CCDC60: variants seen among roughly 807,000 people sequenced by gnomAD.
CCDC60 encodes the protein coiled-coil domain containing 60, also known as coiled-coil domain-containing protein 60.
In CCDC60, 54 loss-of-function variants were observed where a neutral mutation model predicts 63.5. The ratio of observed to expected loss-of-function variants is 0.85; its 90% CI spans 0.68 to 1.07. CCDC60 has a LOEUF of 1.07. CCDC60 is among the 50% of genes least tolerant of loss of function. CCDC60 has a pLI of 0.00. For synonymous variants in CCDC60, 206 were observed against 238.8 expected, an observed-to-expected ratio of 0.86 and a Z score of 1.27; for missense variants, 651 against 684.3, an observed-to-expected ratio of 0.95 and a Z score of 0.54.
At chr12:119,540,347 G>A (rs1291587603) in intron 13 of CCDC60, among the ~76,000 whole-genome samples, 1 of 152,194 alleles carries the variant, frequency 6.6e-6, no homozygotes. Flanking sequence ...GCAGATAGCT[G>A]GGACTTCCTG....
At chr12:119,523,943 G>T in intron 11 of CCDC60, 125 bp downstream of exon 11, 1 of 979,150 alleles carries the variant, frequency 1.0e-6, no homozygotes, top group South Asian at 1.7e-5. Context: ...TCCTCAGGGA[G>T]CTCACAGTCT....
At chr12:119,524,721 C>CTTTTTTTTTTTTTTTTTTTCTTTTTTTT (rs55694840) in intron 11 of CCDC60, among the ~76,000 whole-genome samples, 1 of 99,050 alleles carries the variant, frequency 1.0e-5, no homozygotes, top group Non-Finnish European at 1.9e-5. Flanking sequence ...CTTTTCTTTT[C>CTTTTTTTTTTTTTTTTTTTCTTTTTTTT]TTTTTTTTTT....
intron 3 of CCDC60, 94 bp from the exon 4 acceptor site, chr12:119,479,000 A>G (rs2136344196): frequency 1.2e-6 from 1 of 826,884 alleles, no homozygotes; most frequent in African/African-American, 1.7e-5. Flanking sequence ...GTAAGTGTCC[A>G]GTCATATCTG....
At chr12:119,368,432 G>A (rs1016686874) in intron 1 of CCDC60, among the ~76,000 whole-genome samples, 5 of 152,212 alleles carry the variant, frequency 3.3e-5, no homozygotes, top group East Asian at 3.9e-4. Flanking sequence ...CTAGGACACC[G>A]GACCCGCCAT....
At chr12:119,496,504 G>A (rs1951718593) in intron 5 of CCDC60, among the ~76,000 whole-genome samples, 1 of 152,160 alleles carries the variant, frequency 6.6e-6, no homozygotes, top group Admixed American at 6.5e-5. Context: ...ATCTGCCCTA[G>A]TACCCTGTTG....
intron 3 of CCDC60, among the ~76,000 whole-genome samples, chr12:119,473,296 G>C (rs895479348): frequency 6.6e-6 from 1 of 152,224 alleles, no homozygotes; most frequent in Non-Finnish European, 1.5e-5. Flanking sequence ...GGGAGGAAAT[G>C]CAGGGTAGAA....
chr12:119,481,097 T>C (rs1019090721), intron 4 of CCDC60, among the ~76,000 whole-genome samples: 2 of 152,084 alleles, frequency 1.3e-5, no homozygotes, highest in African/African-American at 2.4e-5. Context: ...ATCATCATCA[T>C]CACATTGTGT....
chr12:119,487,491 G>A (rs931931476), intron 4 of CCDC60, among the ~76,000 whole-genome samples: 6 of 151,944 alleles, frequency 3.9e-5, no homozygotes, highest in African/African-American at 1.5e-4. Flanking sequence ...AGAGATGGGG[G>A]TTTCACCATG....
intron 1 of CCDC60, among the ~76,000 whole-genome samples, chr12:119,352,964 AAAAT>A (rs1565966980): frequency 6.6e-6 from 1 of 152,158 alleles, no homozygotes; most frequent in Non-Finnish European, 1.5e-5. Flanking sequence ...AAATTAAAAA[AAAAT>A]AAATAAATTC....
At chr12:119,370,183 C>T (rs1024153676) in intron 1 of CCDC60, among the ~76,000 whole-genome samples, 3 of 152,178 alleles carry the variant, frequency 2.0e-5, no homozygotes, top group African/African-American at 7.2e-5. Context: ...ACAACACAAT[C>T]CATTTTAAAG....
chr12:119,531,000 G>C lies in CCDC60; in HGVS notation c.1488G>C (p.Leu496=). The change falls in exon 13 of 14, where the codon CTG becomes CTC. Residue 496 remains leucine, a synonymous_variant. Transcript: ENST00000327554. ...TGCGGATTCGACCCCATGTCCTCCT[G>C]AAGGTGCTGCAGGATCTGAGGATTT... ...LDLRIRPHVL[L]KVLQDLRIWE... 1.9e-6 allele frequency: 3 copies of C among 1,614,168 alleles called. No homozygotes were observed. The highest frequency in any genetic ancestry group is 2.5e-6 in the Non-Finnish European group (3 of 1,180,012).
chr12:119,437,018 C>CAA (rs985496245), intron 2 of CCDC60, among the ~76,000 whole-genome samples: 14 of 152,150 alleles, frequency 9.2e-5, no homozygotes, highest in Non-Finnish European at 1.8e-4. Context: ...GTTTGCCAAC[C>CAA]AAGGAGCCCA....
intron 1 of CCDC60, among the ~76,000 whole-genome samples, chr12:119,395,899 C>G (rs1220796649): frequency 6.6e-6 from 1 of 152,098 alleles, no homozygotes; most frequent in Non-Finnish European, 1.5e-5. Flanking sequence ...CCAGTCTCCA[C>G]TTCCATCTTC....
chr12:119,470,937 G>A lies in CCDC60; in HGVS notation c.171-1057G>A, dbSNP rs150552309. Among the ~76,000 whole-genome samples, 133 of 152,276 alleles carry A rather than the reference G, an allele frequency of 8.7e-4. 1 individual carries two copies. Among genetic ancestry groups the A allele is most frequent in the Admixed American group, 8.0e-3 (122 of 15,294 alleles). On this transcript the variant is annotated intron_variant, in intron 2 of 13. Transcript: ENST00000327554. ...GTACAATACCCAACACACATTGCTT[G>A]CTTACTAGGAATTTGGAGAACAAAT...
At chr12:119,499,824 G>A (rs1951804450) in intron 5 of CCDC60, among the ~76,000 whole-genome samples, 1 of 152,028 alleles carries the variant, frequency 6.6e-6, no homozygotes, top group Non-Finnish European at 1.5e-5. Context: ...ACAAATAGAT[G>A]CAAAAAACAT....
chr12:119,533,765 TC>T (rs1349839530), intron 13 of CCDC60, among the ~76,000 whole-genome samples: 1 of 152,222 alleles, frequency 6.6e-6, no homozygotes, highest in Admixed American at 6.5e-5. Context: ...TCTGTTCTGT[TC>T]CATTGGTCTA....
intron 11 of CCDC60, among the ~76,000 whole-genome samples, chr12:119,527,445 A>T (rs1401869799): frequency 1.3e-5 from 2 of 152,096 alleles, no homozygotes; most frequent in Non-Finnish European, 2.9e-5. Flanking sequence ...CTGGAAAAGT[A>T]GGGTGGAAGG....
intron 1 of CCDC60, among the ~76,000 whole-genome samples, chr12:119,341,127 G>C (rs1218722360): frequency 6.6e-6 from 1 of 152,160 alleles, no homozygotes; most frequent in African/African-American, 2.4e-5. Context: ...TATCTTTATG[G>C]CCTAATGCTT....
intron 1 of CCDC60, among the ~76,000 whole-genome samples, chr12:119,400,483 AC>A (rs1956372903): frequency 6.6e-6 from 1 of 152,200 alleles, no homozygotes; most frequent in Non-Finnish European, 1.5e-5. Flanking sequence ...TGTATTAAGC[AC>A]CTACTGTGTG....
Sources: allele counts gnomAD v4.1 joint callset (sites outside exome capture counted in the v4.1 genomes callset), GRCh38; gene constraint gnomAD v4.1.1; transcripts MANE v1.5; gene names NCBI Gene and HGNC (gene_info 2026-07-23, HGNC 2026-07-21).